FGD4: variants seen among roughly 807,000 people sequenced by gnomAD.
FGD4 encodes the protein FYVE, RhoGEF and PH domain-containing protein 4.
FGD4 carries 42 observed loss-of-function variants against 102.0 expected under a neutral mutation model. That is an observed-to-expected ratio of 0.41 (90% CI 0.32 to 0.53). The LOEUF (loss-of-function observed/expected upper bound fraction) is 0.53, where lower values mean the gene tolerates loss of function less well. Ranked by LOEUF, FGD4 falls within the 20% of genes least tolerant of loss-of-function variation. FGD4 has a pLI of 0.21. For missense variants in FGD4, 902 were observed against 1,078.2 expected (o/e 0.84, Z 2.29); for synonymous variants, 380 against 375.7 (o/e 1.01, Z -0.13).
chr12:32,531,601 T>C (rs1372699250), intron 1 of FGD4, among the ~76,000 whole-genome samples: 1 of 152,248 alleles, frequency 6.6e-6, no homozygotes, highest in Non-Finnish European at 1.5e-5. Context: ...GCAGGTATCT[T>C]TGTTCATCCC....
chr12:32,582,969 A>T (rs966917966), intron 4 of FGD4: 2 of 153,174 alleles, frequency 1.3e-5, no homozygotes, highest in Admixed American at 1.3e-4. Flanking sequence ...TAGGCTTTTA[A>T]TTTTTTTAAG....
At chr12:32,418,785 C>T (rs953734232) in intron 1 of FGD4, among the ~76,000 whole-genome samples, 1 of 152,198 alleles carries the variant, frequency 6.6e-6, no homozygotes, top group African/African-American at 2.4e-5. Flanking sequence ...CAGGTTTGTG[C>T]CCTTCCCTCC....
rs1473062486 is a variant in FGD4, at chr12:32,399,756, G to A, written c.-38G>A. On this transcript the variant is annotated 5_prime_UTR_variant, in exon 1 of 17. Coordinates refer to ENST00000534526, the MANE Select transcript of FGD4 (RefSeq NM_001370298.3). ...AGGGGCCGCTCGCGGCTGGACGGGA[G>A]CGGGAGGAGTCGGGGAGCGGCGGTC... is the stretch of plus-strand genomic sequence containing the variant. 13 of 1,524,652 alleles carry A rather than the reference G, an allele frequency of 8.5e-6. No individual in the cohort carries two copies. The Admixed American group carries it at 1.4e-4, about 16-fold the overall frequency. 94.4% of individuals were successfully genotyped at this position (1,524,652 alleles called of 1,614,324 possible).
chr12:32,473,751 A>C (rs1943503596), intron 1 of FGD4, among the ~76,000 whole-genome samples: 1 of 152,208 alleles, frequency 6.6e-6, no homozygotes, highest in Non-Finnish European at 1.5e-5. Context: ...ATGGTAAGGC[A>C]GGGACAGGAA....
At chr12:32,425,283 T>C (rs1389908529) in intron 1 of FGD4, among the ~76,000 whole-genome samples, 2 of 152,240 alleles carry the variant, frequency 1.3e-5, no homozygotes, top group African/African-American at 4.8e-5. Context: ...TTCAGTTTTC[T>C]GCATATGGCT....
chr12:32,482,593 A>T (rs1943796199), intron 1 of FGD4, among the ~76,000 whole-genome samples: 1 of 152,206 alleles, frequency 6.6e-6, no homozygotes, highest in Non-Finnish European at 1.5e-5. Context: ...ACTATTCCAG[A>T]TTATATATAA....
Position 32,640,664 on chromosome 12 carries a change from A to G in FGD4, c.*131A>G, listed in dbSNP as rs1251131756. 26 of 1,260,566 alleles carry G rather than the reference A, an allele frequency of 2.1e-5. No homozygotes were observed. The highest frequency in any genetic ancestry group is 2.6e-5 in the Non-Finnish European group (23 of 892,366). The allele number at this position is 1,260,566 out of a possible 1,614,324, so 78.1% of individuals were successfully genotyped here. A position where few individuals can be genotyped will look rare whatever the true frequency, so the allele number is the denominator to read the frequency against. On this transcript the variant is annotated 3_prime_UTR_variant, in exon 17 of 17. Coordinates refer to ENST00000534526, the MANE Select transcript of FGD4 (RefSeq NM_001370298.3). ...CCCATAAATGCATCTTTTGAGGACT[A>G]TTTTCCTATGTTTATGTACTCTTAG...
chr12:32,630,755 G>T (rs1034713440), intron 14 of FGD4, among the ~76,000 whole-genome samples: 24 of 151,758 alleles, frequency 1.6e-4, no homozygotes, highest in African/African-American at 5.6e-4. Context: ...GGTGGAGATT[G>T]CAGTGAGCCG....
intron 1 of FGD4, among the ~76,000 whole-genome samples, chr12:32,563,490 A>G (rs1009392285): frequency 2.0e-4 from 30 of 149,844 alleles, no homozygotes; most frequent in Non-Finnish European, 3.7e-4. Flanking sequence ...GATGGCGGCC[A>G]GGCAGAGACA....
At chr12:32,500,308 A>C (rs765881958) in intron 1 of FGD4, among the ~76,000 whole-genome samples, 4 of 152,172 alleles carry the variant, frequency 2.6e-5, no homozygotes, top group Non-Finnish European at 5.9e-5. Flanking sequence ...AGTGTCTAGC[A>C]CATACTAGGG....
At chr12:32,575,732 TA>T in intron 2 of FGD4, among the ~76,000 whole-genome samples, 1 of 152,376 alleles carries the variant, frequency 6.6e-6, no homozygotes, top group Non-Finnish European at 1.5e-5. Context: ...TCAAATGAGA[TA>T]AAGTGCTTTT....
chr12:32,594,339 A>T (rs1242299895), intron 4 of FGD4, among the ~76,000 whole-genome samples: 2 of 152,154 alleles, frequency 1.3e-5, no homozygotes, highest in East Asian at 3.9e-4. Flanking sequence ...TCTAAGTTGC[A>T]TGCTCCTTAT....
chr12:32,449,006 T>C (rs568102571), intron 1 of FGD4, among the ~76,000 whole-genome samples: 14 of 152,340 alleles, frequency 9.2e-5, no homozygotes, highest in African/African-American at 3.1e-4. Flanking sequence ...CTTGGAGAGA[T>C]AGACAGTATT....
chr12:32,455,105 C>G (rs1324858150), intron 1 of FGD4, among the ~76,000 whole-genome samples: 1 of 152,048 alleles, frequency 6.6e-6, no homozygotes, highest in African/African-American at 2.4e-5. Flanking sequence ...CAAGAAGAAA[C>G]GAGGAAGATT....
At chr12:32,607,177 C>T (rs534172009) in intron 7 of FGD4, among the ~76,000 whole-genome samples, 5 of 152,352 alleles carry the variant, frequency 3.3e-5, no homozygotes, top group Admixed American at 3.3e-4. Context: ...CTGGAATTTT[C>T]TTGCTTAAAA....
rs369136768 is a variant in FGD4, at chr12:32,640,260, G to A, written c.2455-16G>A. Reference sequence around the variant, plus strand: ...AATACATCACCTGCTTTTAATGTCTGATGTCTTTTCTTTAGGACGTCAGAG... The same window carrying A: ...AATACATCACCTGCTTTTAATGTCTAATGTCTTTTCTTTAGGACGTCAGAG... On this transcript the variant is annotated splice_polypyrimidine_tract_variant and intron_variant, in intron 16 of 16. Coordinates refer to ENST00000534526, the MANE Select transcript of FGD4 (RefSeq NM_001370298.3). 6.2e-7 allele frequency: 1 copy of A among 1,614,208 alleles called. No homozygotes were observed. Among genetic ancestry groups the A allele is most frequent in the Non-Finnish European group, 8.5e-7 (1 of 1,180,032 alleles).
intron 13 of FGD4, 132 bp downstream of exon 13, chr12:32,625,200 T>A (rs1188310083): frequency 5.6e-6 from 4 of 716,782 alleles, no homozygotes; most frequent in Non-Finnish European, 4.9e-6. Flanking sequence ...AGAATCTCAT[T>A]CTTTCTTAGA....
At chr12:32,502,259 G>C in intron 1 of FGD4, 1 of 985,412 alleles carries the variant, frequency 1.0e-6, no homozygotes, top group Non-Finnish European at 1.2e-6. Flanking sequence ...GCTTTGGCTC[G>C]CTGGAAGAAC....
intron 7 of FGD4, among the ~76,000 whole-genome samples, chr12:32,603,579 G>GT (rs1374041404): frequency 6.6e-6 from 1 of 151,948 alleles, no homozygotes; most frequent in Admixed American, 6.6e-5. Context: ...TAGAGATGGG[G>GT]TTTCACCGTG....
Sources: allele counts gnomAD v4.1 joint callset (sites outside exome capture counted in the v4.1 genomes callset), GRCh38; gene constraint gnomAD v4.1.1; transcripts MANE v1.5; gene names NCBI Gene and HGNC (gene_info 2026-07-23, HGNC 2026-07-21).